The following C16orf74 variants were observed in gnomAD, a reference collection of about 807,000 sequenced individuals.
C16orf74 encodes calcimembrin, also known as uncharacterized protein C16orf74.
A neutral mutation model predicts 6.5 loss-of-function variants in C16orf74; 10 were observed. The observed-to-expected ratio is 1.54, with a 90% confidence interval of 0.95 to 2.61. C16orf74 has a LOEUF of 2.61. Ranked by LOEUF, C16orf74 falls within the 30% of genes most tolerant of loss-of-function variation. The pLI is 0.00. For missense variants in C16orf74, 141 were observed against 105.9 expected (o/e 1.33, Z -1.45); for synonymous variants, 60 against 42.5 (o/e 1.41, Z -1.60).
chr16:85,733,334 G>A (rs2054210364), intron 2 of C16orf74, among the ~76,000 whole-genome samples: 1 of 152,140 alleles, frequency 6.6e-6, no homozygotes, highest in Admixed American at 6.5e-5. Flanking sequence ...CCACTGACAC[G>A]AGGTCCCTAG....
intron 1 of C16orf74, among the ~76,000 whole-genome samples, chr16:85,745,961 G>C (rs913825898): frequency 1.2e-4 from 19 of 152,358 alleles, no homozygotes; most frequent in Middle Eastern, 3.4e-3. Flanking sequence ...AGAGCTGGAA[G>C]TGGTCAGAGA....
At chr16:85,731,714 G>A (rs1379399107) in intron 2 of C16orf74, among the ~76,000 whole-genome samples, 1 of 151,008 alleles carries the variant, frequency 6.6e-6, no homozygotes, top group African/African-American at 2.4e-5. Flanking sequence ...TTGAGACAGG[G>A]TCTGGCTCTG....
At chr16:85,746,343 C>T (rs1331197146) in intron 1 of C16orf74, among the ~76,000 whole-genome samples, 3 of 152,134 alleles carry the variant, frequency 2.0e-5, no homozygotes, top group Non-Finnish European at 2.9e-5. Flanking sequence ...AGGTGAGACT[C>T]GCCTCAAACA....
intron 2 of C16orf74, among the ~76,000 whole-genome samples, chr16:85,714,939 G>A (rs2054007724): frequency 1.3e-5 from 2 of 150,104 alleles, no homozygotes. Flanking sequence ...GGCGGATCAT[G>A]AGGTCAGGAG....
At chr16:85,742,841 T>C (rs1461807195) in intron 1 of C16orf74, among the ~76,000 whole-genome samples, 2 of 152,190 alleles carry the variant, frequency 1.3e-5, no homozygotes, top group South Asian at 2.1e-4. Context: ...GTGCCCAGCA[T>C]GAACCTCTTT....
chr16:85,708,009 C>T lies in C16orf74; in HGVS notation c.230G>A (p.Ter77=). The stretch of plus-strand genomic sequence containing the variant: ...GCCAGCCAAACCCAGGACACCTCCT[C>T]AGGCTTCTGGGTCGATTTCTCCATC... ...PDDGEIDPEA[*] The change falls in exon 4 of 4, where the codon TGA becomes TAA. Residue 77 remains the stop codon, a stop_retained_variant. Transcript: ENST00000284245. 1 of 1,552,530 alleles carries T rather than the reference C, an allele frequency of 6.4e-7. No homozygotes were observed. Among genetic ancestry groups the T allele is most frequent in the Non-Finnish European group, 8.7e-7 (1 of 1,147,484 alleles).
chr16:85,727,949 G>C (rs778697375), intron 2 of C16orf74, among the ~76,000 whole-genome samples: 42 of 135,566 alleles, frequency 3.1e-4, no homozygotes, highest in Middle Eastern at 4.4e-3. Context: ...GCAACAAAGC[G>C]AGACCCCTTC....
intron 2 of C16orf74, among the ~76,000 whole-genome samples, chr16:85,732,581 G>C (rs1426475033): frequency 2.1e-5 from 3 of 145,832 alleles, no homozygotes; most frequent in South Asian, 2.2e-4. Context: ...CAGGAGAATT[G>C]CTTGAACCCG....
At chr16:85,741,600 T>C (rs559308480) in intron 1 of C16orf74, 1 of 170,524 alleles carries the variant, frequency 5.9e-6, no homozygotes, top group East Asian at 1.9e-4. Flanking sequence ...AGTTTTCTCA[T>C]CTCCCACAGT....
At chr16:85,719,176 G>C (rs2054054384) in intron 2 of C16orf74, among the ~76,000 whole-genome samples, 3 of 152,244 alleles carry the variant, frequency 2.0e-5, no homozygotes, top group African/African-American at 7.2e-5. Context: ...CTGGGCCAGG[G>C]AGGTGGCCAG....
chr16:85,707,869 G>C lies in C16orf74; in HGVS notation c.*139C>G, dbSNP rs914196783. The C allele has an allele frequency of 1.5e-6, 1 of 675,814 alleles. No individual in the cohort carries two copies. Among genetic ancestry groups the C allele is most frequent in the East Asian group, 2.8e-5 (1 of 36,090 alleles). The allele number at this position is 675,814 out of a possible 1,614,324, so 41.9% of individuals were successfully genotyped here. ...CTGGATTCCTCGCTGGTCCTGCCACGTCTCTCTGAGCGGAGGCCCGGGTTC... is the reference window on the plus strand; with the variant it reads ...CTGGATTCCTCGCTGGTCCTGCCACCTCTCTCTGAGCGGAGGCCCGGGTTC... On this transcript the variant is annotated 3_prime_UTR_variant, in exon 4 of 4. Transcript: ENST00000284245.
At chr16:85,743,030 C>T (rs188282476) in intron 1 of C16orf74, among the ~76,000 whole-genome samples, 1 of 152,296 alleles carries the variant, frequency 6.6e-6, no homozygotes, top group Non-Finnish European at 1.5e-5. Flanking sequence ...CCAGGGCACC[C>T]CCACTACGTG....
At chr16:85,709,242 T>C (rs1345068547) in intron 3 of C16orf74, among the ~76,000 whole-genome samples, 3 of 152,170 alleles carry the variant, frequency 2.0e-5, no homozygotes, top group Non-Finnish European at 4.4e-5. Context: ...TAATCCCAGC[T>C]ACTCAGGAGG....
intron 1 of C16orf74, among the ~76,000 whole-genome samples, chr16:85,749,842 G>C (rs975259329): frequency 6.6e-6 from 1 of 152,228 alleles, no homozygotes; most frequent in African/African-American, 2.4e-5. Flanking sequence ...CCAGGGAGAC[G>C]AGATTAGGTG....
intron 2 of C16orf74, among the ~76,000 whole-genome samples, chr16:85,734,755 T>C (rs1010026743): frequency 2.0e-5 from 3 of 152,196 alleles, no homozygotes; most frequent in African/African-American, 4.8e-5. Context: ...TTCAGTGGTT[T>C]TGTGTCCTTC....
chr16:85,749,502 C>T (rs1411852809), intron 1 of C16orf74, among the ~76,000 whole-genome samples: 1 of 152,074 alleles, frequency 6.6e-6, no homozygotes, highest in Non-Finnish European at 1.5e-5. Flanking sequence ...AGGCTGGTCT[C>T]GAACTCCTGG....
chr16:85,735,116 C>A (rs1289073037), intron 2 of C16orf74, 74 bp downstream of exon 2: 1 of 1,368,776 alleles, frequency 7.3e-7, no homozygotes, highest in East Asian at 2.5e-5. Context: ...GGCTTCAACT[C>A]CCCTCTCTCC....
intron 1 of C16orf74, among the ~76,000 whole-genome samples, chr16:85,737,482 G>A (rs2054257453): frequency 6.6e-6 from 1 of 152,210 alleles, no homozygotes; most frequent in Non-Finnish European, 1.5e-5. Flanking sequence ...AGGATCACTT[G>A]GGGCCAAGAG....
Position 85,725,067 on chromosome 16 carries a change from G to A in C16orf74, c.28+10123C>T, listed in dbSNP as rs1037809962. ...TTAGCTTAAGCATGGGTGACTGATG[G>A]GGGGGGGACCGGCTAAGTCCCTGCT... On this transcript the variant is annotated intron_variant, in intron 2 of 3. Coordinates refer to ENST00000284245, the MANE Select transcript of C16orf74 (RefSeq NM_206967.3). Among the ~76,000 whole-genome samples the A allele has an allele frequency of 1.0e-3, 64 of 63,834 alleles. 1 individual carries two copies. Among genetic ancestry groups the A allele is most frequent in the Non-Finnish European group, 1.6e-3 (40 of 24,894 alleles). The allele number at this position is 63,834 out of a possible 152,430, so 41.9% of individuals were successfully genotyped here. A position where few individuals can be genotyped will look rare whatever the true frequency, so the allele number is the denominator to read the frequency against.
Sources: gnomAD v4.1 joint callset for allele counts (sites outside exome capture counted in the v4.1 genomes callset) on GRCh38, gnomAD v4.1.1 for gene constraint, MANE v1.5 for transcripts, NCBI Gene and HGNC (gene_info 2026-07-23, HGNC 2026-07-21) for gene names.